Variants in MED13L observed in about 807,000 individuals in gnomAD.
MED13L encodes the protein mediator of RNA polymerase II transcription subunit 13-like.
Under a neutral mutation model 220.9 loss-of-function variants are expected in MED13L, and 7 were observed. That is an observed-to-expected ratio of 0.03 (90% CI 0.02 to 0.06). The LOEUF (loss-of-function observed/expected upper bound fraction) is 0.06, where lower values mean the gene tolerates loss of function less well. MED13L is among the 10% of genes least tolerant of loss of function. MED13L has a pLI of 1.00. For synonymous variants in MED13L, 1,011 were observed against 1,015.2 expected (o/e 1.00, Z 0.08); for missense variants, 1,965 against 2,760.5 (o/e 0.71, Z 6.46).
intron 1 of MED13L, among the ~76,000 whole-genome samples, chr12:116,245,125 T>G (rs544229739): frequency 6.6e-6 from 1 of 152,010 alleles, no homozygotes; most frequent in Non-Finnish European, 1.5e-5. Flanking sequence ...ACAGGCAAAC[T>G]GAAGGCACGG....
chr12:116,266,764 C>G (rs180757699), intron 1 of MED13L, among the ~76,000 whole-genome samples: 1 of 152,146 alleles, frequency 6.6e-6, no homozygotes, highest in Non-Finnish European at 1.5e-5. Flanking sequence ...CAGGAGACCA[C>G]CTACATGTAA....
intron 13 of MED13L, among the ~76,000 whole-genome samples, chr12:116,003,532 G>C (rs887662845): frequency 1.3e-5 from 2 of 149,844 alleles, no homozygotes; most frequent in Non-Finnish European, 3.0e-5. Flanking sequence ...AACAAACTAT[G>C]TATCTTCTGT....
chr12:116,008,596 A>C lies in MED13L; in HGVS notation c.1817T>G (p.Leu606Arg). ...CTCGCTGACCTCTGCCATGAGAGGC[A>C]GTCTTTGGCCTACGAGGACAGTTCT... ...DDRTVLVGQR[L>R]PLMAEVSETA... Residue 606 changes from leucine to arginine, a missense_variant, in exon 10 of 31, where the codon CTG becomes CGG. By Grantham distance (102) the Leu-to-Arg change is moderately radical. This residue lies in a region of MED13L where 818 missense variants were observed against 1,041.2 expected (regional missense o/e 0.79). Coordinates refer to ENST00000281928, the MANE Select transcript of MED13L (RefSeq NM_015335.5). 1 of 1,614,070 alleles carries C rather than the reference A, an allele frequency of 6.2e-7. No individual in the cohort carries two copies. Among genetic ancestry groups the C allele is most frequent in the Non-Finnish European group, 8.5e-7 (1 of 1,180,004 alleles).
At chr12:116,082,472 G>A (rs922921629) in intron 4 of MED13L, 2 of 152,116 alleles carry the variant, frequency 1.3e-5, no homozygotes, top group African/African-American at 4.8e-5. Context: ...ACTTCTGCCT[G>A]GGTTGCTTTT....
At chr12:115,978,978 T>G (rs1877144736) in intron 23 of MED13L, among the ~76,000 whole-genome samples, 1 of 152,200 alleles carries the variant, frequency 6.6e-6, no homozygotes, top group Non-Finnish European at 1.5e-5. Flanking sequence ...GGGCCTGTTT[T>G]GTTCACCCCT....
intron 1 of MED13L, among the ~76,000 whole-genome samples, chr12:116,271,204 CGTGTGTGT>C (rs140643991): frequency 6.7e-6 from 1 of 149,674 alleles, no homozygotes; most frequent in Non-Finnish European, 1.5e-5. Flanking sequence ...GAAACAAATA[CGTGTGTGT>C]GTGTGTGTGA....
intron 2 of MED13L, among the ~76,000 whole-genome samples, chr12:116,121,739 A>G (rs1016841005): frequency 3.3e-5 from 5 of 152,176 alleles, no homozygotes; most frequent in Admixed American, 6.6e-5. Flanking sequence ...CTAGACATCA[A>G]AAACACTTCT....
intron 2 of MED13L, among the ~76,000 whole-genome samples, chr12:116,151,169 A>T (rs1878007584): frequency 6.6e-6 from 1 of 152,182 alleles, no homozygotes; most frequent in Non-Finnish European, 1.5e-5. Flanking sequence ...GGCTTTTAGC[A>T]AGCAAAATCT....
chr12:116,219,559 T>C (rs1473331184), intron 2 of MED13L, among the ~76,000 whole-genome samples: 1 of 152,194 alleles, frequency 6.6e-6, no homozygotes, highest in East Asian at 1.9e-4. Flanking sequence ...ATGTCCACAA[T>C]GTGGACATTA....
chr12:116,041,750 G>T (rs923971313), intron 4 of MED13L, among the ~76,000 whole-genome samples: 1 of 152,140 alleles, frequency 6.6e-6, no homozygotes, highest in Non-Finnish European at 1.5e-5. Flanking sequence ...CAGGAGAATC[G>T]CCTGAACCCG....
At chr12:116,225,044 G>A (rs556649530) in intron 2 of MED13L, among the ~76,000 whole-genome samples, 35 of 152,212 alleles carry the variant, frequency 2.3e-4, no homozygotes, top group African/African-American at 6.7e-4. Context: ...GCATCCTCTC[G>A]TACACCATTT....
chr12:116,025,186 T>C (rs1880313939), intron 4 of MED13L, among the ~76,000 whole-genome samples: 4 of 152,168 alleles, frequency 2.6e-5, no homozygotes, highest in Non-Finnish European at 5.9e-5. Flanking sequence ...AAGATATCCC[T>C]TCACTCCAAT....
In MED13L at chr12:116,276,877, G is replaced by C. The variant is rs538431217; in HGVS notation, c.72+183C>G. 4.1e-6 allele frequency: 4 copies of C among 971,578 alleles called. No homozygotes were observed. In the Admixed American group the frequency reaches 6.7e-5, roughly 16 times the overall value. The allele number at this position is 971,578 out of a possible 1,614,324, so 60.2% of individuals were successfully genotyped here. A position where few individuals can be genotyped will look rare whatever the true frequency, so the allele number is the denominator to read the frequency against. ...TTTTTAAAGAGCCAAATAAACACTG[G>C]ATGGGATCCAAGGCGAGAGAGAGAC... On this transcript the variant is annotated intron_variant, in intron 1 of 30. Transcript: ENST00000281928.
intron 1 of MED13L, among the ~76,000 whole-genome samples, chr12:116,274,626 T>A (rs1873664217): frequency 6.8e-6 from 1 of 147,660 alleles, no homozygotes; most frequent in South Asian, 2.2e-4. Context: ...AAAAAAAAAA[T>A]CTCAATTTGG....
At chr12:116,258,724 C>A (rs1242516213) in intron 1 of MED13L, among the ~76,000 whole-genome samples, 2 of 145,476 alleles carry the variant, frequency 1.4e-5, no homozygotes, top group Non-Finnish European at 3.0e-5. Flanking sequence ...TTGCACTGAG[C>A]GAGATTACAC....
chr12:116,017,804 C>T (rs1273085446), intron 7 of MED13L, among the ~76,000 whole-genome samples: 4 of 152,010 alleles, frequency 2.6e-5, no homozygotes, highest in East Asian at 3.9e-4. Context: ...TTTGTAGAAA[C>T]AGGATTCCAC....
chr12:116,025,016 T>C (rs969913229), intron 4 of MED13L, among the ~76,000 whole-genome samples: 6 of 152,192 alleles, frequency 3.9e-5, no homozygotes, highest in Non-Finnish European at 7.4e-5. Context: ...CATGCTATTT[T>C]GGTCACTACA....
At chr12:116,250,888 A>T (rs1871490244) in intron 1 of MED13L, among the ~76,000 whole-genome samples, 1 of 151,996 alleles carries the variant, frequency 6.6e-6, no homozygotes, top group Non-Finnish European at 1.5e-5. Flanking sequence ...TGTCAGATAT[A>T]GAAAGAAGAA....
intron 4 of MED13L, among the ~76,000 whole-genome samples, chr12:116,065,770 T>C (rs1022757069): frequency 3.9e-5 from 6 of 152,216 alleles, no homozygotes; most frequent in Admixed American, 2.0e-4. Context: ...GGCCATTAAG[T>C]AGTCAGATAC....
Sources: allele counts gnomAD v4.1 joint callset (sites outside exome capture counted in the v4.1 genomes callset), GRCh38; gene constraint gnomAD v4.1.1; regional missense constraint gnomAD v4.1.1; transcripts MANE v1.5; gene names NCBI Gene and HGNC (gene_info 2026-07-23, HGNC 2026-07-21).